The following PPARGC1A variants were observed in gnomAD, a reference collection of about 807,000 sequenced individuals.
PPARGC1A encodes the protein PPARG coactivator 1 alpha.
Under a neutral mutation model 88.7 loss-of-function variants are expected in PPARGC1A, and 25 were observed. The observed-to-expected ratio is 0.28, with a 90% CI of 0.21 to 0.39. The LOEUF (loss-of-function observed/expected upper bound fraction) is 0.39. PPARGC1A is among the 10% of genes least tolerant of loss of function. The pLI, the probability that PPARGC1A is intolerant of heterozygous loss-of-function variation, is 1.00. For synonymous variants in PPARGC1A, 363 were observed against 355.6 expected, an observed-to-expected ratio of 1.02 and a Z score of -0.24; for missense variants, 880 against 968.7, an observed-to-expected ratio of 0.91 and a Z score of 1.22.
chr4:23,831,114 A>G (rs569820075), intron 3 of PPARGC1A, among the ~76,000 whole-genome samples: 2 of 152,354 alleles, frequency 1.3e-5, no homozygotes, highest in South Asian at 4.1e-4. Flanking sequence ...TTTCCATACA[A>G]TAAAATACTA....
the PPARGC1A span, among the ~76,000 whole-genome samples, chr4:24,035,773 A>G: frequency 6.6e-6 from 1 of 152,270 alleles, no homozygotes; most frequent in East Asian, 1.9e-4. Flanking sequence ...TGGCGTTTAT[A>G]TAGATGCAAT....
chr4:24,003,358 T>C, the PPARGC1A span, among the ~76,000 whole-genome samples: 3 of 152,186 alleles, frequency 2.0e-5, no homozygotes, highest in Non-Finnish European at 2.9e-5. Context: ...TAGTTGAATA[T>C]ATTTTTAACA....
rs1383293452 is a variant in PPARGC1A, at chr4:23,828,574, T to A, written c.583A>T (p.Ser195Cys). The change falls in exon 5 of 13, where the codon AGT becomes TGT. Residue 195 changes from serine (S) to cysteine (C), a missense_variant. Transcript: ENST00000264867. ...TENSWSNKAK[S>C]ICQQQKPQRR... The stretch of plus-strand genomic sequence containing the variant: ...TGTGGCTTTTGCTGTTGACAAATAC[T>A]CTTCGCTTTATTGCTCCATGAATTC... 1.9e-6 allele frequency: 3 copies of A among 1,614,154 alleles called. No homozygotes were observed.
the PPARGC1A span, among the ~76,000 whole-genome samples, chr4:24,093,360 T>C: frequency 2.6e-5 from 4 of 152,338 alleles, no homozygotes; most frequent in South Asian, 4.1e-4. Flanking sequence ...GGAACATGCT[T>C]TGTAGGCTGT....
chr4:24,146,796 A>G, the PPARGC1A span, among the ~76,000 whole-genome samples: 1 of 152,214 alleles, frequency 6.6e-6, no homozygotes, highest in Non-Finnish European at 1.5e-5. Flanking sequence ...TCATTGGAGA[A>G]GTCTTCCCTG....
At chr4:23,910,531 C>A in the PPARGC1A span, among the ~76,000 whole-genome samples, 1 of 145,794 alleles carries the variant, frequency 6.9e-6, no homozygotes, top group Non-Finnish European at 1.5e-5. Flanking sequence ...ACCTCCGCCT[C>A]CCGAGTTCAA....
At chr4:24,265,797 CAGAA>C in the PPARGC1A span, among the ~76,000 whole-genome samples, 1 of 151,078 alleles carries the variant, frequency 6.6e-6, no homozygotes, top group Admixed American at 6.6e-5. Flanking sequence ...AATTCAATTG[CAGAA>C]AGAAAGAATC....
At chr4:24,096,120 G>A in the PPARGC1A span, among the ~76,000 whole-genome samples, 4 of 152,138 alleles carry the variant, frequency 2.6e-5, no homozygotes, top group East Asian at 1.9e-4. Context: ...GTTCTCATGA[G>A]ATCTGATGGT....
At chr4:24,200,076 A>G in the PPARGC1A span, among the ~76,000 whole-genome samples, 3 of 152,220 alleles carry the variant, frequency 2.0e-5, no homozygotes, top group Admixed American at 6.5e-5. Flanking sequence ...CAACACAGAG[A>G]AATAGATTGA....
chr4:24,312,922 AAAG>A, the PPARGC1A span, among the ~76,000 whole-genome samples: 1 of 152,186 alleles, frequency 6.6e-6, no homozygotes, highest in Non-Finnish European at 1.5e-5. Flanking sequence ...CAGTTACCAT[AAAG>A]AAAAAAAAAC....
the PPARGC1A span, among the ~76,000 whole-genome samples, chr4:24,047,894 A>G: frequency 6.6e-6 from 1 of 152,228 alleles, no homozygotes; most frequent in Admixed American, 6.5e-5. Context: ...TGAAGGTAAC[A>G]TAAACACTTA....
chr4:23,954,296 T>C, the PPARGC1A span, among the ~76,000 whole-genome samples: 3 of 152,222 alleles, frequency 2.0e-5, no homozygotes, highest in South Asian at 2.1e-4. Context: ...TTTTCATACA[T>C]TGCACATTTA....
At chr4:23,923,976 C>G in the PPARGC1A span, among the ~76,000 whole-genome samples, 1 of 152,168 alleles carries the variant, frequency 6.6e-6, no homozygotes, top group African/African-American at 2.4e-5. Context: ...CTCACTCTTT[C>G]CTATGGAGAG....
the PPARGC1A span, among the ~76,000 whole-genome samples, chr4:24,212,654 A>T: frequency 1.3e-5 from 2 of 152,176 alleles, no homozygotes; most frequent in African/African-American, 2.4e-5. Context: ...CTTGTTGGGG[A>T]TCCTGGAGCC....
intron 2 of PPARGC1A, among the ~76,000 whole-genome samples, chr4:23,873,244 G>A (rs1713960161): frequency 6.8e-6 from 1 of 147,858 alleles, no homozygotes; most frequent in Non-Finnish European, 1.5e-5. Flanking sequence ...AATGTGACCA[G>A]CCATATCCCA....
Position 23,824,271 on chromosome 4 carries a change from A to G in PPARGC1A, c.877+9T>C, listed in dbSNP as rs760534427. ...CACACACAAGTTCTAAGTGAAATAT[A>G]AGGCTTACCTGCAGTTCCAGAGAGT... On this transcript the variant is annotated intron_variant, in intron 7 of 12. Transcript: ENST00000264867. The G allele has an allele frequency of 1.1e-5, 18 of 1,608,790 alleles. No homozygotes were observed. The East Asian group carries it at 3.8e-4, about 34-fold the overall frequency.
At chr4:23,921,056 A>ACCCC in the PPARGC1A span, among the ~76,000 whole-genome samples, 1 of 151,656 alleles carries the variant, frequency 6.6e-6, no homozygotes, top group Non-Finnish European at 1.5e-5. Context: ...CCCCCCACCC[A>ACCCC]CTCCTACCAC....
At chr4:24,401,175 C>T in the PPARGC1A span, among the ~76,000 whole-genome samples, 7 of 151,854 alleles carry the variant, frequency 4.6e-5, no homozygotes, top group African/African-American at 7.2e-5. Flanking sequence ...CCCACCACTA[C>T]GCCCGGCTAA....
At chr4:23,950,446 A>G in the PPARGC1A span, among the ~76,000 whole-genome samples, 1 of 152,144 alleles carries the variant, frequency 6.6e-6, no homozygotes, top group African/African-American at 2.4e-5. Context: ...GGTAACAAGC[A>G]TCGGTCGATG....
Sources: allele counts gnomAD v4.1 joint callset (sites outside exome capture counted in the v4.1 genomes callset), GRCh38; gene constraint gnomAD v4.1.1; transcripts MANE v1.5; gene names NCBI Gene and HGNC (gene_info 2026-07-23, HGNC 2026-07-21).